Variants in CAMSAP3 observed in about 807,000 individuals in gnomAD.
CAMSAP3 encodes the protein calmodulin regulated spectrin associated protein family member 3, also known as calmodulin-regulated spectrin-associated protein 3.
A neutral mutation model predicts 112.5 loss-of-function variants in CAMSAP3; 34 were observed. The observed-to-expected ratio is 0.30, with a 90% CI of 0.23 to 0.40. The LOEUF (loss-of-function observed/expected upper bound fraction) is 0.40, where lower values mean the gene tolerates loss of function less well. CAMSAP3 is among the 10% of genes least tolerant of loss of function. The pLI is 1.00. For missense variants in CAMSAP3, 1,602 were observed against 1,770.3 expected (o/e 0.90, Z 1.71); for synonymous variants, 868 against 799.8 (o/e 1.09, Z -1.44).
chr19:7,608,081 T>C, intron 4 of CAMSAP3, 45 bp from the exon 5 acceptor site: 1 of 1,591,986 alleles, frequency 6.3e-7, no homozygotes, highest in South Asian at 1.1e-5. Flanking sequence ...CCGCTGACCC[T>C]GGGGGCCAGC....
intron 1 of CAMSAP3, among the ~76,000 whole-genome samples, chr19:7,598,411 G>T (rs753292757): frequency 6.6e-6 from 1 of 152,120 alleles, no homozygotes; most frequent in African/African-American, 2.4e-5. Context: ...TGGATCCAAG[G>T]GTACTGGGGA....
chr19:7,610,784 G>A lies in CAMSAP3; in HGVS notation c.985G>A (p.Asp329Asn), dbSNP rs769937294. Residue 329 changes from aspartate (D) to asparagine (N), a missense_variant, in exon 7 of 17, where the codon GAT (aspartate) becomes AAT (asparagine). This residue lies in a region of CAMSAP3 where 1,100 missense variants were observed against 1,135.7 expected (regional missense o/e 0.97). Transcript: ENST00000160298. This position sits in a 1 kb window ranked among gnomAD's most constrained non-coding sequence, Gnocchi z 4.9. The part of the protein sequence containing the change: ...PDFVQVKDLP[D>N]GHAASPRGTE... ...CTTTGTGCAAGTGAAGGACTTGCCC[G>A]ATGGTCACGGTGAGGCCCTGGGGGC... 8.7e-6 allele frequency: 14 copies of A among 1,613,352 alleles called. No individual in the cohort carries two copies. Among genetic ancestry groups the A allele is most frequent in the East Asian group, 2.2e-5 (1 of 44,894 alleles).
Position 7,615,940 on chromosome 19 carries a change from A to G in CAMSAP3, c.3112+221A>G, listed in dbSNP as rs914082588. 6.6e-5 allele frequency among the ~76,000 whole-genome samples: 10 copies of G among 152,242 alleles called. No individual in the cohort carries two copies. Among genetic ancestry groups the G allele is most frequent in the Non-Finnish European group, 1.3e-4 (9 of 67,998 alleles). Reference sequence around the variant, plus strand: ...CGCGGTGGCTCACGCCTGTAATCCCAGCACTTTGGGAGGCTGAGGCGGGCG... The same window carrying G: ...CGCGGTGGCTCACGCCTGTAATCCCGGCACTTTGGGAGGCTGAGGCGGGCG... On this transcript the variant is annotated intron_variant, in intron 13 of 16. Coordinates refer to ENST00000160298, the MANE Select transcript of CAMSAP3 (RefSeq NM_020902.2). This position sits in a 1 kb window ranked among gnomAD's most constrained non-coding sequence, Gnocchi z 6.5.
chr19:7,607,866 A>G lies in CAMSAP3; in HGVS notation c.622-260A>G. ...GAAGGAGTCGGGGAGCAAACCCCCC[A>G]TGGTAATGTATCCCCCGCCCCGGGG... On this transcript the variant is annotated intron_variant, in intron 4 of 16. Transcript: ENST00000160298. The surrounding 1 kb of genome is among the most constrained non-coding windows in gnomAD (Gnocchi z 4.9). 1.7e-6 allele frequency: 2 copies of G among 1,186,098 alleles called. No homozygotes were observed. The highest frequency in any genetic ancestry group is 2.4e-6 in the Non-Finnish European group (2 of 847,058). The allele number at this position is 1,186,098 out of a possible 1,614,324, so 73.5% of individuals were successfully genotyped here. A position where few individuals can be genotyped will look rare whatever the true frequency, so the allele number is the denominator to read the frequency against.
rs1409781448 is a variant in CAMSAP3, at chr19:7,612,665, G to A, written c.2172G>A (p.Gln724=). Residue 724 remains glutamine, a synonymous_variant, in exon 11 of 17, where the codon CAG becomes CAA. Coordinates refer to ENST00000160298, the MANE Select transcript of CAMSAP3 (RefSeq NM_020902.2). The part of the protein sequence containing the change: ...QRDMQRLTDQ[Q]QRLLAPPEAP... ...ACATGCAGAGGCTCACGGACCAGCA[G>A]CAGCGGCTCCTGGCCCCGCCCGAGG... 5 of 1,512,726 alleles carry A rather than the reference G, an allele frequency of 3.3e-6. No homozygotes were observed. Among genetic ancestry groups the A allele is most frequent in the Non-Finnish European group, 4.4e-6 (5 of 1,131,970 alleles). The allele number at this position is 1,512,726 out of a possible 1,614,324, so 93.7% of individuals were successfully genotyped here.
At position 7,616,934 on chromosome 19, in the gene CAMSAP3, C is replaced by CTTTTTTTTTTTTTT. The variant is rs545769780; in HGVS notation, c.3212+323_3212+336dup. On this transcript the variant is annotated intron_variant, in intron 14 of 16. Transcript: ENST00000160298. ...CTCCTCTGCAGTGTGTGTGGCCCGC[C>CTTTTTTTTTTTTTT]TTTTTTTTTTTTTTTTTTTTTTTTG... 3.9e-3 allele frequency among the ~76,000 whole-genome samples: 325 copies of CTTTTTTTTTTTTTT among 83,014 alleles called. 3 individuals carry two copies. The highest frequency in any genetic ancestry group is 4.3e-3 in the Non-Finnish European group (206 of 47,616). 54.5% of individuals were successfully genotyped at this position (83,014 alleles called of 152,430 possible). A position where few individuals can be genotyped will look rare whatever the true frequency, so the allele number is the denominator to read the frequency against.
Position 7,618,049 on chromosome 19 carries a change from C to T in CAMSAP3, c.3742C>T (p.Pro1248Ser). 1 of 1,611,364 alleles carries T rather than the reference C, an allele frequency of 6.2e-7. No homozygotes were observed. Among genetic ancestry groups the T allele is most frequent in the Non-Finnish European group, 8.5e-7 (1 of 1,178,818 alleles). ...PTTPKKGGGT[P>S]K The stretch of plus-strand genomic sequence containing the variant: ...CACTCCCAAGAAGGGCGGCGGCACC[C>T]CCAAATAGCCCCACCCGGGCGGTCC... The change falls in exon 17 of 17, where the codon CCC becomes TCC. Residue 1248 changes from proline (P) to serine (S), a missense_variant. Pro to Ser is a moderately conservative substitution (Grantham distance 74, BLOSUM62 -1). Transcript: ENST00000160298.
In CAMSAP3 at chr19:7,612,711, C is replaced by G. The variant is rs1189929856; in HGVS notation, c.2218C>G (p.Pro740Ala). The G allele has an allele frequency of 1.3e-6, 2 of 1,526,016 alleles. No individual in the cohort carries two copies. Among genetic ancestry groups the G allele is most frequent in the Non-Finnish European group, 1.8e-6 (2 of 1,140,996 alleles). The allele number at this position is 1,526,016 out of a possible 1,614,324, so 94.5% of individuals were successfully genotyped here. ...PPEAPGSAPP[P>A]AAWVIPGPTT... The stretch of plus-strand genomic sequence containing the variant: ...CGAGGCCCCCGGATCCGCCCCACCA[C>G]CTGCTGCGTGGGTCATCCCTGGCCC... The change falls in exon 11 of 17, where the codon CCT becomes GCT. Residue 740 changes from proline to alanine, a missense_variant. This residue lies in a region of CAMSAP3 where 1,100 missense variants were observed against 1,135.7 expected (regional missense o/e 0.97). Transcript: ENST00000160298.
In CAMSAP3 at chr19:7,610,275, G is replaced by A. The variant is rs1301261612; in HGVS notation, c.761-201G>A. ...AGAGGTTGCAGTGAGCTGGGATTGC[G>A]CCACTGCACTACAGCCTGGGTGACA... On this transcript the variant is annotated intron_variant, in intron 5 of 16. Transcript: ENST00000160298. This position sits in a 1 kb window ranked among gnomAD's most constrained non-coding sequence, Gnocchi z 4.9. Among the ~76,000 whole-genome samples the A allele has an allele frequency of 2.7e-5, 4 of 149,580 alleles. No individual in the cohort carries two copies. The highest frequency in any genetic ancestry group is 4.2e-4 in the South Asian group (2 of 4,710).
chr19:7,610,321 A>C lies in CAMSAP3; in HGVS notation c.761-155A>C, dbSNP rs534287970. 0.025 allele frequency among the ~76,000 whole-genome samples: 3,842 copies of C among 151,070 alleles called. 160 individuals are homozygous for C. Among genetic ancestry groups the C allele is most frequent in the African/African-American group, 0.078 (3,231 of 41,186 alleles). On this transcript the variant is annotated intron_variant, in intron 5 of 16. Transcript: ENST00000160298. This position sits in a 1 kb window ranked among gnomAD's most constrained non-coding sequence, Gnocchi z 4.9. ...TGACAGAGCGAGACTCCATCTCAAA[A>C]AAAAAAAAAAAAGAATTCACCTCTC...
intron 5 of CAMSAP3, among the ~76,000 whole-genome samples, chr19:7,608,479 G>C (rs1249706984): frequency 6.6e-6 from 1 of 152,114 alleles, no homozygotes; most frequent in East Asian, 1.9e-4. Flanking sequence ...GTGCTTCCAG[G>C]AGTTCATTCC....
Position 7,618,109 on chromosome 19 carries a change from C to A in CAMSAP3, c.*52C>A. 6.4e-7 allele frequency: 1 copy of A among 1,565,784 alleles called. No individual in the cohort carries two copies. The highest frequency in any genetic ancestry group is 2.3e-5 in the East Asian group (1 of 44,436). On this transcript the variant is annotated 3_prime_UTR_variant, in exon 17 of 17. Transcript: ENST00000160298. ...GCCCTGTGTGCTGCGGCCGCCATCC[C>A]CTGGAGGACAGTCAGTCGGTATTCC... is the stretch of plus-strand genomic sequence containing the variant.
At chr19:7,600,038 C>T (rs1471026791) in intron 1 of CAMSAP3, among the ~76,000 whole-genome samples, 1 of 22,528 alleles carries the variant, frequency 4.4e-5, no homozygotes, top group African/African-American at 2.4e-4. Context: ...CATCCATCCA[C>T]CCGCCCACTC....
rs1599355402 is a variant in CAMSAP3 at position 7,610,458 on chromosome 19, C to G, written c.761-18C>G. On this transcript the variant is annotated intron_variant, in intron 5 of 16. Transcript: ENST00000160298. The surrounding 1 kb of genome is among the most constrained non-coding windows in gnomAD (Gnocchi z 4.9). ...TCCTCCTCATAGAGTTGGGGACCCA[C>G]TCCTCCTGTCCCCACAGAGGTGTGC... The G allele has an allele frequency of 6.3e-7, 1 of 1,599,486 alleles. No homozygotes were observed. Among genetic ancestry groups the G allele is most frequent in the Non-Finnish European group, 8.5e-7 (1 of 1,173,042 alleles).
At chr19:7,596,726 C>CT (rs1555756589) in intron 1 of CAMSAP3, among the ~76,000 whole-genome samples, 121 of 152,112 alleles carry the variant, frequency 8.0e-4, no homozygotes, top group Non-Finnish European at 1.3e-3. Context: ...CTGGGAACCC[C>CT]CTTTCGCCTC....
At chr19:7,606,154 C>CCCCCCCCCCCCCCCCCCCCA in intron 2 of CAMSAP3, 117 bp from the exon 3 acceptor site, 3 of 488,850 alleles carry the variant, frequency 6.1e-6, no homozygotes, top group African/African-American at 4.5e-5. Flanking sequence ...CCCTCAAGCC[C>CCCCCCCCCCCCCCCCCCCCA]CACCCCCCCC....
chr19:7,615,979 C>T lies in CAMSAP3; in HGVS notation c.3112+260C>T, dbSNP rs2146176588. 6.6e-6 allele frequency among the ~76,000 whole-genome samples: 1 copy of T among 152,112 alleles called. No homozygotes were observed. On this transcript the variant is annotated intron_variant, in intron 13 of 16. Coordinates refer to ENST00000160298, the MANE Select transcript of CAMSAP3 (RefSeq NM_020902.2). This position sits in a 1 kb window ranked among gnomAD's most constrained non-coding sequence, Gnocchi z 6.5. ...CTGAGGCGGGCGGATCACCTGAGGTCAGGAGTTTGAGACCAGCCTGGCCAA... is the reference window on the plus strand; with the variant it reads ...CTGAGGCGGGCGGATCACCTGAGGTTAGGAGTTTGAGACCAGCCTGGCCAA...
At position 7,607,950 on chromosome 19, in the gene CAMSAP3, T is replaced by C. The variant is rs2030301481; in HGVS notation, c.622-176T>C. On this transcript the variant is annotated intron_variant, in intron 4 of 16. Coordinates refer to ENST00000160298, the MANE Select transcript of CAMSAP3 (RefSeq NM_020902.2). This position sits in a 1 kb window ranked among gnomAD's most constrained non-coding sequence, Gnocchi z 4.9. Reference sequence around the variant, plus strand: ...GGCCTGGCTGCTCGAAGACATCTCCTCTGCCTCTTGCTGCTGCCCCTCCCC... The same window carrying C: ...GGCCTGGCTGCTCGAAGACATCTCCCCTGCCTCTTGCTGCTGCCCCTCCCC... 1.2e-6 allele frequency: 1 copy of C among 862,062 alleles called. No individual in the cohort carries two copies. 53.4% of individuals were successfully genotyped at this position (862,062 alleles called of 1,614,324 possible).
rs1289856703 is a variant in CAMSAP3 at position 7,616,616 on chromosome 19, C to T, written c.3206C>T (p.Thr1069Met). Residue 1069 changes from threonine (T) to methionine (M), a missense_variant, in exon 14 of 17, where the codon ACG (threonine) becomes ATG (methionine). Coordinates refer to ENST00000160298, the MANE Select transcript of CAMSAP3 (RefSeq NM_020902.2). ...AATAACCTCGGGGTGAAGAGGCCCACGTCTCGGTGAGTTTAGCCCGCACAG... is the reference window on the plus strand; with the variant it reads ...AATAACCTCGGGGTGAAGAGGCCCATGTCTCGGTGAGTTTAGCCCGCACAG... The part of the protein sequence containing the change: ...AHNNLGVKRP[T>M]SRAPSPSGLM... 6.9e-6 allele frequency: 11 copies of T among 1,605,290 alleles called. No individual in the cohort carries two copies. Among genetic ancestry groups the T allele is most frequent in the African/African-American group, 2.7e-5 (2 of 74,858 alleles).
Sources: allele counts gnomAD v4.1 joint callset (sites outside exome capture counted in the v4.1 genomes callset), GRCh38; gene constraint gnomAD v4.1.1; regional missense constraint gnomAD v4.1.1; non-coding constraint Gnocchi (gnomAD v3.1); transcripts MANE v1.5; gene names NCBI Gene and HGNC (gene_info 2026-07-23, HGNC 2026-07-21).